B4GALT6: variants seen among roughly 807,000 people sequenced by gnomAD.
B4GALT6 encodes beta-1,4-galactosyltransferase 6.
Under a neutral mutation model 46.3 loss-of-function variants are expected in B4GALT6, and 14 were observed. That is an observed-to-expected ratio of 0.30 (90% CI 0.20 to 0.47). The LOEUF (loss-of-function observed/expected upper bound fraction) is 0.47. Ranked by LOEUF, B4GALT6 falls within the 20% of genes least tolerant of loss-of-function variation. The probability of loss-of-function intolerance (pLI) is 0.99; values close to 1 mark genes in which losing one functional copy is unlikely to be tolerated. For synonymous variants in B4GALT6, 168 were observed against 162.0 expected (o/e 1.04, Z -0.28); for missense variants, 386 against 480.1 (o/e 0.80, Z 1.83).
chr18:31,690,693 A>C (rs1437695445), upstream of B4GALT6, among the ~76,000 whole-genome samples: 2 of 150,042 alleles, frequency 1.3e-5, no homozygotes, highest in African/African-American at 4.9e-5. Flanking sequence ...CTGGTCTCAA[A>C]CTCCTGACCT....
In B4GALT6 at chr18:31,626,298, A is replaced by C; in HGVS notation, c.986T>G (p.Val329Gly). ...TTCAACTTACCGTCCTAAAAACTGG[A>C]CTTCACCTCTATGGTGATGAGGAAT... ...KSIPHHHRGE[V>G]QFLGRYKLLR... The change falls in exon 8 of 9, where the codon GTC becomes GGC. Residue 329 changes from valine to glycine, a missense_variant. Val to Gly is a moderately radical substitution (Grantham distance 109). Around this residue, in one of 2 missense-constraint regions of B4GALT6, gnomAD observed 323 missense variants for 438.9 expected, o/e 0.74. Coordinates refer to ENST00000306851, the MANE Select transcript of B4GALT6 (RefSeq NM_004775.5). 1.3e-6 allele frequency: 2 copies of C among 1,589,270 alleles called. No homozygotes were observed. The highest frequency in any genetic ancestry group is 1.7e-6 in the Non-Finnish European group (2 of 1,164,522).
intron 4 of B4GALT6, among the ~76,000 whole-genome samples, chr18:31,639,255 G>A (rs1025767675): frequency 1.3e-5 from 2 of 152,188 alleles, no homozygotes; most frequent in Non-Finnish European, 2.9e-5. Flanking sequence ...AATTGGGCAT[G>A]AAAAGTAAGG....
chr18:31,626,307 CTA>C lies in B4GALT6; in HGVS notation c.975_976del (p.His325GlnfsTer3). ...CCGTCCTAAAAACTGGACTTCACCTCTATGGTGATGAGGAATTGACTTGTATT... is the reference window on the plus strand; with the variant it reads ...CCGTCCTAAAAACTGGACTTCACCTCTGGTGATGAGGAATTGACTTGTATT... On this transcript the variant is annotated frameshift_variant, in exon 8 of 9. Coordinates refer to ENST00000306851, the MANE Select transcript of B4GALT6 (RefSeq NM_004775.5). LOFTEE classifies it high-confidence loss of function. The C allele has an allele frequency of 6.9e-6, 11 of 1,605,290 alleles. No individual in the cohort carries two copies. The highest frequency in any genetic ancestry group is 8.5e-6 in the Non-Finnish European group (10 of 1,174,230).
chr18:31,660,228 C>T (rs1454787109), intron 2 of B4GALT6, among the ~76,000 whole-genome samples: 5 of 152,132 alleles, frequency 3.3e-5, no homozygotes, highest in South Asian at 2.1e-4. Flanking sequence ...GGATTACAGG[C>T]GTGAGCCACC....
chr18:31,682,054 G>A (rs1019301924), intron 1 of B4GALT6, among the ~76,000 whole-genome samples: 1 of 152,110 alleles, frequency 6.6e-6, no homozygotes, highest in African/African-American at 2.4e-5. Flanking sequence ...ATTGATTGCT[G>A]CAGTATGGAC....
chr18:31,720,612 C>G, the B4GALT6 span, among the ~76,000 whole-genome samples: 1 of 152,118 alleles, frequency 6.6e-6, no homozygotes, highest in African/African-American at 2.4e-5. Context: ...GCCCCTTGAA[C>G]GGGGGAAAGA....
At chr18:31,662,659 G>A (rs1354173604) in intron 2 of B4GALT6, among the ~76,000 whole-genome samples, 1 of 152,080 alleles carries the variant, frequency 6.6e-6, no homozygotes, top group African/African-American at 2.4e-5. Flanking sequence ...GGCTAACACG[G>A]TGAAACCCCG....
chr18:31,630,846 A>G, intron 6 of B4GALT6, 113 bp downstream of exon 6: 2 of 1,141,324 alleles, frequency 1.8e-6, no homozygotes, highest in Non-Finnish European at 2.5e-6. Flanking sequence ...TAAAGATGAT[A>G]TTCTTGGGGT....
At chr18:31,712,168 G>A in the B4GALT6 span, among the ~76,000 whole-genome samples, 1 of 151,994 alleles carries the variant, frequency 6.6e-6, no homozygotes, top group South Asian at 2.1e-4. Flanking sequence ...AAATTCTGCT[G>A]GCTACCACTC....
At chr18:31,679,336 T>C (rs1360358603) in intron 1 of B4GALT6, among the ~76,000 whole-genome samples, 1 of 152,196 alleles carries the variant, frequency 6.6e-6, no homozygotes, top group Non-Finnish European at 1.5e-5. Flanking sequence ...TTGGATTAGT[T>C]TACACTGAAG....
chr18:31,679,680 G>A (rs941360878), intron 1 of B4GALT6, among the ~76,000 whole-genome samples: 1 of 152,158 alleles, frequency 6.6e-6, no homozygotes, highest in African/African-American at 2.4e-5. Context: ...TCTCTCTCCT[G>A]GGCAGCACGC....
rs1254795735 is a variant in B4GALT6, at chr18:31,625,803, T to C, written c.1002-42A>G. 2.0e-6 allele frequency: 3 copies of C among 1,515,840 alleles called. No individual in the cohort carries two copies. The East Asian group carries it at 6.9e-5, about 35-fold the overall frequency. The allele number at this position is 1,515,840 out of a possible 1,614,324, so 93.9% of individuals were successfully genotyped here. A position where few individuals can be genotyped will look rare whatever the true frequency, so the allele number is the denominator to read the frequency against. ...AAAAACAAAAAAGCAACAAAACATGTTCAAAAAGGAAAACTGATAAGGACT... is the reference window on the plus strand; with the variant it reads ...AAAAACAAAAAAGCAACAAAACATGCTCAAAAAGGAAAACTGATAAGGACT... On this transcript the variant is annotated intron_variant, in intron 8 of 8. Coordinates refer to ENST00000306851, the MANE Select transcript of B4GALT6 (RefSeq NM_004775.5).
intron 1 of B4GALT6, among the ~76,000 whole-genome samples, chr18:31,682,795 C>CTT (rs2074495588): frequency 1.3e-5 from 2 of 152,100 alleles, no homozygotes; most frequent in Admixed American, 1.3e-4. Flanking sequence ...GATGTCCAAA[C>CTT]TTTTAAAGAG....
intron 1 of B4GALT6, among the ~76,000 whole-genome samples, chr18:31,679,960 C>A (rs1344601646): frequency 1.3e-5 from 2 of 152,218 alleles, no homozygotes; most frequent in East Asian, 3.8e-4. Context: ...CCCCTATAAC[C>A]CATCCTTCAT....
intron 2 of B4GALT6, among the ~76,000 whole-genome samples, chr18:31,663,268 T>C (rs1403704552): frequency 6.6e-6 from 1 of 152,196 alleles, no homozygotes; most frequent in Non-Finnish European, 1.5e-5. Context: ...CCTAGTCTGT[T>C]TCCCACTAAC....
intron 1 of B4GALT6, among the ~76,000 whole-genome samples, chr18:31,677,476 G>A (rs2074427417): frequency 6.6e-6 from 1 of 152,156 alleles, no homozygotes; most frequent in Non-Finnish European, 1.5e-5. Context: ...AGTTTCCAGT[G>A]GGCCCAAGAT....
rs2073654978 is a variant in B4GALT6 at position 31,624,139 on chromosome 18, G to C, written c.*1475C>G. On this transcript the variant is annotated 3_prime_UTR_variant, in exon 9 of 9. Transcript: ENST00000306851. Reference sequence around the variant, plus strand: ...TATCAGGTAGTAAGACCTTTTTTCAGAGAACAGTCATATGAAGATAACTGG... The same window carrying C: ...TATCAGGTAGTAAGACCTTTTTTCACAGAACAGTCATATGAAGATAACTGG... The C allele has an allele frequency of 6.6e-6, 1 of 151,804 alleles. No homozygotes were observed. The highest frequency in any genetic ancestry group is 1.5e-5 in the Non-Finnish European group (1 of 67,830). The allele number at this position is 151,804 out of a possible 1,614,324, so 9.4% of individuals were successfully genotyped here.
the B4GALT6 span, among the ~76,000 whole-genome samples, chr18:31,706,043 G>T: frequency 6.6e-6 from 1 of 152,070 alleles, no homozygotes; most frequent in East Asian, 1.9e-4. Context: ...ATTTAGACAG[G>T]TAGTTATGCT....
upstream of B4GALT6, among the ~76,000 whole-genome samples, chr18:31,689,005 C>G (rs1232695961): frequency 6.6e-6 from 1 of 152,100 alleles, no homozygotes; most frequent in African/African-American, 2.4e-5. Context: ...ACATCTGTGC[C>G]AAGAAACTAT....
Sources: gnomAD v4.1 joint callset for allele counts (sites outside exome capture counted in the v4.1 genomes callset) on GRCh38, gnomAD v4.1.1 for gene constraint, gnomAD v4.1.1 regional missense constraint, MANE v1.5 for transcripts, NCBI Gene and HGNC (gene_info 2026-07-23, HGNC 2026-07-21) for gene names.